EIF3C: variants seen among roughly 807,000 people sequenced by gnomAD.
EIF3C encodes the protein eukaryotic translation initiation factor 3 subunit C.
In EIF3C, 2 loss-of-function variants were observed where a neutral mutation model predicts 11.1. The ratio of observed to expected loss-of-function variants is 0.18; its 90% CI spans 0.07 to 0.57. The LOEUF is 0.57. Ranked by LOEUF, EIF3C falls within the 20% of genes least tolerant of loss-of-function variation. The pLI is 0.92. For missense variants in EIF3C, 16 were observed against 114.6 expected, an observed-to-expected ratio of 0.14 and a Z score of 3.93; for synonymous variants, 2 against 41.5, an observed-to-expected ratio of 0.05 and a Z score of 3.66.
chr16:28,699,432 C>G (rs1426367379), intron 1 of EIF3C, among the ~76,000 whole-genome samples: 4 of 100,860 alleles, frequency 4.0e-5, no homozygotes, highest in Admixed American at 9.3e-5. Flanking sequence ...GCTTCGGCTC[C>G]GCATGAGAGG....
At position 28,696,935 on chromosome 16, in the gene EIF3C, A is replaced by C. The variant is rs1256446075; in HGVS notation, c.-31+8107A>C. Among the ~76,000 whole-genome samples, 8 of 48,100 alleles carry C rather than the reference A, an allele frequency of 1.7e-4. 3 individuals carry two copies. Among genetic ancestry groups the C allele is most frequent in the Non-Finnish European group, 2.9e-4 (8 of 27,804 alleles). The allele number at this position is 48,100 out of a possible 152,430, so 31.6% of individuals were successfully genotyped here. On this transcript the variant is annotated intron_variant, in intron 1 of 20. Transcript: ENST00000566501. ...TTTTTTACCCCGCACAGAGGCTGGG[A>C]TTCTTTTTTATAGCATGCACACTAC...
Position 28,700,632 on chromosome 16 carries a change from C to T in EIF3C, c.-30-11025C>T. 8.6e-6 allele frequency: 2 copies of T among 233,192 alleles called. 1 individual carries two copies. The highest frequency in any genetic ancestry group is 1.6e-5 in the Non-Finnish European group (2 of 127,920). 14.4% of individuals were successfully genotyped at this position (233,192 alleles called of 1,614,324 possible). On this transcript the variant is annotated intron_variant, in intron 1 of 20. Coordinates refer to the EIF3C transcript ENST00000566501. ...AGCTTGGCGCAGCCCCGCACAGGCT[C>T]CGTGGAGGCTTCCAGCTCGTCCTTG...
chr16:28,733,109 G>T, intron 16 of EIF3C, among the ~76,000 whole-genome samples: 1 of 37,412 alleles, frequency 2.7e-5, no homozygotes, highest in African/African-American at 1.6e-4. Context: ...TTTTTGAGAC[G>T]GAGCCTCACT....
chr16:28,698,566 G>GCTCACTTC lies in EIF3C; in HGVS notation c.-31+9739_-31+9740insTCACTTCC, dbSNP rs1434789806. On this transcript the variant is annotated intron_variant, in intron 1 of 20. Coordinates refer to the EIF3C transcript ENST00000566501. The stretch of plus-strand genomic sequence containing the variant: ...CACCTCCCTCCCGGACGGGGTGGCT[G>GCTCACTTC]CCGGGCGGAGACGCTCCTCACTTCC... Among the ~76,000 whole-genome samples, 11 of 96,410 alleles carry GCTCACTTC rather than the reference G, an allele frequency of 1.1e-4. 2 individuals carry two copies. The highest frequency in any genetic ancestry group is 1.9e-4 in the Non-Finnish European group (10 of 53,848). The allele number at this position is 96,410 out of a possible 152,430, so 63.2% of individuals were successfully genotyped here. A position where few individuals can be genotyped will look rare whatever the true frequency, so the allele number is the denominator to read the frequency against.
chr16:28,700,698 T>C (rs2048276555), intron 1 of EIF3C: 1 of 168,762 alleles, frequency 5.9e-6, no homozygotes, highest in South Asian at 1.4e-4. Flanking sequence ...TGAATCTCAG[T>C]GAAGAACTGC....
At chr16:28,697,928 T>C (rs1596703165) in intron 1 of EIF3C, among the ~76,000 whole-genome samples, 3 of 87,244 alleles carry the variant, frequency 3.4e-5, no homozygotes, top group Non-Finnish European at 6.6e-5. Flanking sequence ...GGCTCCTCAC[T>C]TCCCAGTAGG....
rs2048363538 is a variant in EIF3C at position 28,723,495 on chromosome 16, T to A, written c.984T>A (p.Val328=). Residue 328 remains valine (V), a synonymous_variant, in exon 10 of 21, where the codon GTT becomes GTA. Transcript: ENST00000331666. The part of the protein sequence containing the change: ...FAKGTEITHA[V]VIKKLNEILQ... ...AGGGAACTGAGATCACCCATGCTGT[T>A]GTTATCAAGAAACTGAATGAGATCC... The A allele has an allele frequency of 6.2e-7, 1 of 1,609,476 alleles. No individual in the cohort carries two copies. Among genetic ancestry groups the A allele is most frequent in the Admixed American group, 1.7e-5 (1 of 59,780 alleles).
At chr16:28,695,999 A>T (rs2048236619) in intron 1 of EIF3C, among the ~76,000 whole-genome samples, 1 of 50,464 alleles carries the variant, frequency 2.0e-5, no homozygotes, top group Admixed American at 2.1e-4. Flanking sequence ...AAAGAAAAAA[A>T]ATTTTAAAAA....
intron 1 of EIF3C, among the ~76,000 whole-genome samples, chr16:28,697,876 C>A (rs2048248368): frequency 1.1e-5 from 1 of 89,828 alleles, no homozygotes; most frequent in African/African-American, 5.7e-5. Flanking sequence ...GGGGCTGACC[C>A]CCCAACCTCC....
chr16:28,729,103 G>A (rs2151800686), intron 15 of EIF3C, among the ~76,000 whole-genome samples: 1 of 25,856 alleles, frequency 3.9e-5, no homozygotes, highest in East Asian at 5.6e-4. Context: ...TGGAGACGGA[G>A]TCTCGCTCTG....
At chr16:28,700,603 G>A (rs963218885) in intron 1 of EIF3C, 4 of 258,792 alleles carry the variant, frequency 1.5e-5, no homozygotes, top group African/African-American at 1.1e-4. Flanking sequence ...CTTTCTAGAC[G>A]CGCAGCTTGG....
At chr16:28,723,053 G>C in intron 8 of EIF3C, 111 bp from the exon 9 acceptor site, 1 of 1,200,536 alleles carries the variant, frequency 8.3e-7, no homozygotes, top group Non-Finnish European at 1.2e-6. Flanking sequence ...TTGTTGTAGA[G>C]CATAACTTGG....
intron 15 of EIF3C, among the ~76,000 whole-genome samples, chr16:28,729,462 T>C (rs1286137685): frequency 1.1e-4 from 1 of 8,706 alleles, no homozygotes; most frequent in East Asian, 9.5e-4. Context: ...CTCTCTTTTT[T>C]TTTTTTGTAA....
At chr16:28,697,583 C>CTACT (rs2048245461) in intron 1 of EIF3C, among the ~76,000 whole-genome samples, 1 of 51,608 alleles carries the variant, frequency 1.9e-5, no homozygotes, top group Non-Finnish European at 3.2e-5. Flanking sequence ...TCTCCCATGT[C>CTACT]TACTTCTTTC....
Position 28,723,323 on chromosome 16 carries a change from G to C in EIF3C, c.936G>C (p.Lys312Asn), listed in dbSNP as rs543090444. The change falls in exon 9 of 21, where the codon AAG (lysine) becomes AAC (asparagine). Residue 312 changes from lysine (K) to asparagine (N), a missense_variant and splice_region_variant. Transcript: ENST00000331666. ...ERVRGGVPLV[K>N]EKPKMFAKGT... ...TCCGGGGCGGAGTGCCGTTGGTTAA[G>C]GTGAGGGTTTCAGAGGTAAAATGAA... 6.2e-7 allele frequency: 1 copy of C among 1,614,218 alleles called. No individual in the cohort carries two copies. Among genetic ancestry groups the C allele is most frequent in the East Asian group, 2.2e-5 (1 of 44,892 alleles).
At chr16:28,698,363 G>T (rs2048255766) in intron 1 of EIF3C, among the ~76,000 whole-genome samples, 1 of 99,894 alleles carries the variant, frequency 1.0e-5, no homozygotes, top group Non-Finnish European at 2.0e-5. Context: ...CCCGGACGGG[G>T]CGGCTGGCCG....
At chr16:28,729,819 G>T (rs1376843740) in intron 15 of EIF3C, among the ~76,000 whole-genome samples, 2 of 148,750 alleles carry the variant, frequency 1.3e-5, no homozygotes, top group Non-Finnish European at 3.0e-5. Context: ...AACTAGTCAG[G>T]CATAGTGGTG....
At chr16:28,698,295 A>G (rs1242963893) in intron 1 of EIF3C, among the ~76,000 whole-genome samples, 1,364 of 46,550 alleles carry the variant, frequency 0.029, 60 homozygotes, top group East Asian at 0.061. Flanking sequence ...GTGGCTGGCC[A>G]GGCTGAGGGG....
chr16:28,718,676 A>G (rs2048329859), intron 8 of EIF3C, among the ~76,000 whole-genome samples: 1 of 136,770 alleles, frequency 7.3e-6, no homozygotes, highest in Non-Finnish European at 1.5e-5. Context: ...GCTGGAGTGC[A>G]GTGGCGCAAT....
Sources: allele counts gnomAD v4.1 joint callset (sites outside exome capture counted in the v4.1 genomes callset), GRCh38; gene constraint gnomAD v4.1.1; transcripts MANE v1.5; gene names NCBI Gene and HGNC (gene_info 2026-07-23, HGNC 2026-07-21).